USP38: variants seen among roughly 807,000 people sequenced by gnomAD.
USP38 encodes ubiquitin specific peptidase 38, also known as ubiquitin carboxyl-terminal hydrolase 38.
In USP38, 49 loss-of-function variants were observed where a neutral mutation model predicts 94.3. The ratio of observed to expected loss-of-function variants is 0.52; its 90% CI spans 0.41 to 0.66. The LOEUF (loss-of-function observed/expected upper bound fraction) is 0.66. USP38 is among the 30% of genes least tolerant of loss of function. The probability of loss-of-function intolerance (pLI) is 0.00; values close to 1 mark genes in which losing one functional copy is unlikely to be tolerated. For missense variants in USP38, 1,128 were observed against 1,229.4 expected, an observed-to-expected ratio of 0.92 and a Z score of 1.23; for synonymous variants, 468 against 463.6, an observed-to-expected ratio of 1.01 and a Z score of -0.12.
chr4:143,213,491 GA>G (rs1732085280), intron 8 of USP38, 89 bp from the exon 9 acceptor site: 28 of 1,284,340 alleles, frequency 2.2e-5, no homozygotes, highest in Non-Finnish European at 2.9e-5. Context: ...AATTTGATTA[GA>G]ATAGTTTATA....
rs1203401143 is a variant in USP38, at chr4:143,186,001, A to G, written c.551A>G (p.Gln184Arg). Residue 184 changes from glutamine to arginine, a missense_variant, in exon 1 of 10, where the codon CAG (glutamine) becomes CGG (arginine). Gln to Arg is a conservative substitution (Grantham distance 43). Transcript: ENST00000307017. ...TIGHFQCVSTQERELREYVSQ... is the reference protein window; with the variant it reads ...TIGHFQCVSTRERELREYVSQ... ...GGCCATTTCCAGTGCGTGTCCACCC[A>G]GGAAAGAGAGCTGCGGGAATATGTC... 1 of 1,614,096 alleles carries G rather than the reference A, an allele frequency of 6.2e-7. No homozygotes were observed. The highest frequency in any genetic ancestry group is 2.2e-5 in the East Asian group (1 of 44,894).
chr4:143,197,764 CT>C, intron 3 of USP38, 58 bp from the exon 4 acceptor site: 1 of 1,193,960 alleles, frequency 8.4e-7, no homozygotes, highest in Admixed American at 1.8e-5. Flanking sequence ...AAAATAACCA[CT>C]GTTGGATTAA....
intron 4 of USP38, among the ~76,000 whole-genome samples, chr4:143,199,438 G>A (rs769547493): frequency 2.8e-4 from 42 of 152,210 alleles, no homozygotes; most frequent in South Asian, 6.2e-4. Flanking sequence ...TAATGCTACA[G>A]TGAACATTCA....
chr4:143,213,193 A>C (rs1049469049), intron 8 of USP38, among the ~76,000 whole-genome samples: 1 of 152,082 alleles, frequency 6.6e-6, no homozygotes, highest in Non-Finnish European at 1.5e-5. Context: ...TGACTAGTAA[A>C]GTTAGTTGGG....
At chr4:143,196,618 A>G (rs1227244343) in intron 3 of USP38, among the ~76,000 whole-genome samples, 1 of 152,162 alleles carries the variant, frequency 6.6e-6, no homozygotes, top group Middle Eastern at 3.2e-3. Flanking sequence ...AATGCCTTAC[A>G]GTTCAGTCTT....
intron 2 of USP38, among the ~76,000 whole-genome samples, chr4:143,194,255 T>C (rs1336378818): frequency 6.6e-6 from 1 of 152,240 alleles, no homozygotes; most frequent in Non-Finnish European, 1.5e-5. Context: ...TCCAGTGTTA[T>C]AGATTAATTC....
Position 143,185,457 on chromosome 4 carries a change from A to G in USP38, c.7A>G (p.Lys3Glu), listed in dbSNP as rs759479784. ...GCCTTGCAGCGTGGCGACAATGGAC[A>G]AGATCCTGGAGGGCCTTGTGAGTTC... is the stretch of plus-strand genomic sequence containing the variant. MD[K>E]ILEGLVSSSH... is the part of the protein sequence containing the mutation. The change falls in exon 1 of 10, where the codon AAG becomes GAG. Residue 3 changes from lysine to glutamate, a missense_variant. Physicochemically the swap from Lys to Glu is moderately conservative, Grantham distance 56 (BLOSUM62 1). Transcript: ENST00000307017. 2 of 1,584,548 alleles carry G rather than the reference A, an allele frequency of 1.3e-6. No homozygotes were observed. Among genetic ancestry groups the G allele is most frequent in the Admixed American group, 3.4e-5 (2 of 58,068 alleles).
chr4:143,221,231 T>C lies in USP38; in HGVS notation c.*775T>C, dbSNP rs1000456959. 6.6e-6 allele frequency: 1 copy of C among 152,604 alleles called. No homozygotes were observed. The highest frequency in any genetic ancestry group is 1.9e-4 in the East Asian group (1 of 5,200). The allele number at this position is 152,604 out of a possible 1,614,324, so 9.5% of individuals were successfully genotyped here. On this transcript the variant is annotated 3_prime_UTR_variant, in exon 10 of 10. Coordinates refer to ENST00000307017, the MANE Select transcript of USP38 (RefSeq NM_032557.6). ...GAGTTCTGTATGTGCCTTGCAGTACTGTAATTCAAAAATAGGAATCTTTGG... is the reference window on the plus strand; with the variant it reads ...GAGTTCTGTATGTGCCTTGCAGTACCGTAATTCAAAAATAGGAATCTTTGG...
rs763154497 is a variant in USP38, at chr4:143,212,424, G to A, written c.1604G>A (p.Arg535Lys). The part of the protein sequence containing the change: ...CSEYLRFLLD[R>K]LHEEEKILKV... The stretch of plus-strand genomic sequence containing the variant: ...GAATACCTCAGATTTCTCCTTGACA[G>A]GTAAAAAGTATTCTTAAAATTGTGA... The change falls in exon 8 of 10, where the codon AGG becomes AAG. Residue 535 changes from arginine to lysine, a missense_variant and splice_region_variant. Physicochemically the swap from Arg to Lys is conservative, Grantham distance 26. Transcript: ENST00000307017. 3.3e-5 allele frequency: 52 copies of A among 1,575,088 alleles called. No homozygotes were observed. Among genetic ancestry groups the A allele is most frequent in the Non-Finnish European group, 4.3e-5 (50 of 1,161,050 alleles).
intron 2 of USP38, among the ~76,000 whole-genome samples, chr4:143,193,057 T>C (rs565753977): frequency 1.4e-4 from 22 of 152,192 alleles, no homozygotes; most frequent in Non-Finnish European, 2.5e-4. Flanking sequence ...CTGGTTCTGC[T>C]CTGACAGTGT....
At chr4:143,212,665 ACTTT>A (rs1732060645) in intron 8 of USP38, among the ~76,000 whole-genome samples, 2 of 152,180 alleles carry the variant, frequency 1.3e-5, no homozygotes, top group African/African-American at 4.8e-5. Flanking sequence ...TTCCCAAAAC[ACTTT>A]CAGGAGTCTG....
In USP38 at chr4:143,220,361, A is replaced by G. The variant is rs367892490; in HGVS notation, c.3034A>G (p.Asn1012Asp). 3.1e-6 allele frequency: 5 copies of G among 1,613,458 alleles called. No homozygotes were observed. Among genetic ancestry groups the G allele is most frequent in the Admixed American group, 1.7e-5 (1 of 59,946 alleles). Residue 1012 changes from asparagine to aspartate, a missense_variant, in exon 10 of 10, where the codon AAT becomes GAT. Transcript: ENST00000307017. ...ATCTGCTTCATGTTCATTTCGGCCCAATGGATTTGATGACAACGACCCACC... is the reference window on the plus strand; with the variant it reads ...ATCTGCTTCATGTTCATTTCGGCCCGATGGATTTGATGACAACGACCCACC... ...AASASCSFRP[N>D]GFDDNDPPGS... is the part of the protein sequence containing the mutation.
At chr4:143,193,471 A>G (rs557783648) in intron 2 of USP38, among the ~76,000 whole-genome samples, 228 of 152,356 alleles carry the variant, frequency 1.5e-3, no homozygotes, top group Non-Finnish European at 2.6e-3. Context: ...CTGTATAAGT[A>G]GAATGGCCAC....
chr4:143,196,631 G>A (rs1561240099), intron 3 of USP38, among the ~76,000 whole-genome samples: 1 of 152,078 alleles, frequency 6.6e-6, no homozygotes, highest in African/African-American at 2.4e-5. Context: ...TCAGTCTTTG[G>A]TCCATTTTCT....
At chr4:143,211,937 T>TAC (rs1732035855) in intron 7 of USP38, among the ~76,000 whole-genome samples, 1 of 152,194 alleles carries the variant, frequency 6.6e-6, no homozygotes, top group Non-Finnish European at 1.5e-5. Flanking sequence ...ACATTAATCT[T>TAC]TTTTAGATTT....
At position 143,188,210 on chromosome 4, in the gene USP38, C is replaced by A. The variant is rs556381175; in HGVS notation, c.818+249C>A. On this transcript the variant is annotated intron_variant, in intron 2 of 9. Transcript: ENST00000307017. ...CACACATATACACATATTATACACTCAGATGTTGATTGGATTATCAGTATA... is the reference window on the plus strand; with the variant it reads ...CACACATATACACATATTATACACTAAGATGTTGATTGGATTATCAGTATA... Among the ~76,000 whole-genome samples the A allele has an allele frequency of 1.3e-4, 20 of 152,160 alleles. 1 individual carries two copies. The South Asian group carries it at 4.1e-3, about 32-fold the overall frequency.
At position 143,214,907 on chromosome 4, in the gene USP38, G is replaced by A. The variant is rs779192011; in HGVS notation, c.2931G>A (p.Met977Ile). Residue 977 changes from methionine to isoleucine, a missense_variant, in exon 9 of 10, where the codon ATG (methionine) becomes ATA (isoleucine). Met to Ile is a conservative substitution (Grantham distance 10). Transcript: ENST00000307017. The part of the protein sequence containing the change: ...NGDPPLQKEL[M>I]DAITKDNKLY... ...ACCCACCTCTACAGAAAGAACTTATGGATGCTATAACAAAAGACAATAAAC... is the reference window on the plus strand; with the variant it reads ...ACCCACCTCTACAGAAAGAACTTATAGATGCTATAACAAAAGACAATAAAC... The A allele has an allele frequency of 6.8e-6, 11 of 1,613,070 alleles. No homozygotes were observed. The South Asian group carries it at 8.8e-5, about 13-fold the overall frequency.
chr4:143,196,624 G>A (rs957076235), intron 3 of USP38, among the ~76,000 whole-genome samples: 1 of 152,124 alleles, frequency 6.6e-6, no homozygotes, highest in Non-Finnish European at 1.5e-5. Context: ...TTACAGTTCA[G>A]TCTTTGGTCC....
At position 143,185,914 on chromosome 4, in the gene USP38, T is replaced by A; in HGVS notation, c.464T>A (p.Val155Glu). Residue 155 changes from valine (V) to glutamate (E), a missense_variant, in exon 1 of 10, where the codon GTG becomes GAG. Physicochemically the swap from Val to Glu is moderately radical, Grantham distance 121. Coordinates refer to ENST00000307017, the MANE Select transcript of USP38 (RefSeq NM_032557.6). ...CTGAGCGACCTTCTGACCGACTTTG[T>A]GCAATGCATCCCCAAGGGGAAATTG... ...ARLSDLLTDFVQCIPKGKLSI... is the reference protein window; with the variant it reads ...ARLSDLLTDFEQCIPKGKLSI... 6.2e-7 allele frequency: 1 copy of A among 1,614,190 alleles called. No homozygotes were observed.
Sources: allele counts gnomAD v4.1 joint callset (sites outside exome capture counted in the v4.1 genomes callset), GRCh38; gene constraint gnomAD v4.1.1; transcripts MANE v1.5; gene names NCBI Gene and HGNC (gene_info 2026-07-23, HGNC 2026-07-21).